CNTN4: variants seen among roughly 807,000 people sequenced by gnomAD.
The protein encoded by CNTN4 is contactin-4.
In CNTN4, 77 loss-of-function variants were observed where a neutral mutation model predicts 122.5. The ratio of observed to expected loss-of-function variants is 0.63; its 90% CI spans 0.52 to 0.76. The LOEUF is 0.76. Among genes scored for constraint, CNTN4 ranks in the 30% least tolerant of loss-of-function variants. The probability of loss-of-function intolerance (pLI) is 0.00; values close to 1 mark genes in which losing one functional copy is unlikely to be tolerated. For missense variants in CNTN4, 1,256 were observed against 1,259.1 expected, an observed-to-expected ratio of 1.00 and a Z score of 0.04; for synonymous variants, 512 against 447.0, an observed-to-expected ratio of 1.15 and a Z score of -1.83.
At chr3:2,493,275 C>A (rs1047900402) in intron 3 of CNTN4, among the ~76,000 whole-genome samples, 7 of 151,896 alleles carry the variant, frequency 4.6e-5, no homozygotes, top group South Asian at 2.1e-4. Context: ...ATGGGACTAC[C>A]CTAATACTCT....
At chr3:2,369,554 T>C (rs2045549335) in intron 3 of CNTN4, among the ~76,000 whole-genome samples, 1 of 152,168 alleles carries the variant, frequency 6.6e-6, no homozygotes, top group Admixed American at 6.5e-5. Context: ...CAAATGTTCC[T>C]AATTTTAGGG....
At chr3:2,443,007 A>C (rs1438532866) in intron 3 of CNTN4, among the ~76,000 whole-genome samples, 2 of 152,064 alleles carry the variant, frequency 1.3e-5, no homozygotes, top group African/African-American at 4.8e-5. Context: ...GGGTGTAAGG[A>C]GGGAGAGGAG....
At chr3:2,539,082 A>G (rs144961517) in intron 3 of CNTN4, among the ~76,000 whole-genome samples, 9 of 152,130 alleles carry the variant, frequency 5.9e-5, no homozygotes, top group African/African-American at 1.2e-4. Context: ...TATCCTAACC[A>G]TAAGAAGGAT....
At chr3:2,109,734 G>A (rs1387312498) in intron 2 of CNTN4, among the ~76,000 whole-genome samples, 1 of 152,166 alleles carries the variant, frequency 6.6e-6, no homozygotes, top group Non-Finnish European at 1.5e-5. Flanking sequence ...TCCATATTAT[G>A]ATGGGTCTTC....
chr3:2,353,679 C>G (rs1235637238), intron 3 of CNTN4, among the ~76,000 whole-genome samples: 1 of 152,140 alleles, frequency 6.6e-6, no homozygotes, highest in Non-Finnish European at 1.5e-5. Flanking sequence ...CAGCTTCATT[C>G]TTGAAGTCAG....
intron 4 of CNTN4, among the ~76,000 whole-genome samples, chr3:2,607,871 T>G (rs1335538408): frequency 6.6e-6 from 1 of 152,206 alleles, no homozygotes; most frequent in African/African-American, 2.4e-5. Flanking sequence ...ATAGAAATAT[T>G]TAATAATTTA....
Position 3,043,063 on chromosome 3 carries a change from C to T in CNTN4, c.2598C>T (p.Asn866=). 1 of 1,614,160 alleles carries T rather than the reference C, an allele frequency of 6.2e-7. No homozygotes were observed. Among genetic ancestry groups the T allele is most frequent in the Non-Finnish European group, 8.5e-7 (1 of 1,180,006 alleles). ...VGNQTSTKIT[N]LKGSVLYHLA... ...ATCAGACATCAACAAAAATCACGAA[C>T]TTAAAAGGCAGTGTGCTGTATCACT... The change falls in exon 22 of 25, where the codon AAC becomes AAT. Residue 866 remains asparagine, a synonymous_variant. Transcript: ENST00000418658.
At chr3:2,791,222 G>A (rs61098047) in intron 6 of CNTN4, among the ~76,000 whole-genome samples, 77 of 152,248 alleles carry the variant, frequency 5.1e-4, no homozygotes, top group Middle Eastern at 6.8e-3. Context: ...ATTTAGTTCA[G>A]AAATCACTTT....
chr3:2,762,459 G>T (rs1269529541), intron 6 of CNTN4, among the ~76,000 whole-genome samples: 5 of 152,136 alleles, frequency 3.3e-5, no homozygotes, highest in Admixed American at 6.5e-5. Context: ...GTAAGAACAT[G>T]CAGTGTTTGA....
At chr3:2,479,113 A>G (rs1320728677) in intron 3 of CNTN4, among the ~76,000 whole-genome samples, 2 of 152,150 alleles carry the variant, frequency 1.3e-5, no homozygotes, top group African/African-American at 2.4e-5. Context: ...ATGACTAGAA[A>G]GCATCAACCA....
chr3:2,292,034 C>A (rs868848357), intron 2 of CNTN4, among the ~76,000 whole-genome samples: 2 of 152,150 alleles, frequency 1.3e-5, no homozygotes, highest in Non-Finnish European at 2.9e-5. Flanking sequence ...CCGCGCCTGG[C>A]GAACTATAAT....
intron 6 of CNTN4, among the ~76,000 whole-genome samples, chr3:2,799,423 A>G (rs1304843111): frequency 6.6e-6 from 1 of 152,120 alleles, no homozygotes; most frequent in Non-Finnish European, 1.5e-5. Flanking sequence ...AATGTCCTCA[A>G]GAGTTTTTCC....
intron 3 of CNTN4, among the ~76,000 whole-genome samples, chr3:2,384,847 A>G (rs906888435): frequency 2.6e-5 from 4 of 151,716 alleles, no homozygotes; most frequent in African/African-American, 9.7e-5. Flanking sequence ...ATTTTTACCT[A>G]TCTTTTTTTA....
chr3:2,404,841 A>C (rs754577286), intron 3 of CNTN4, among the ~76,000 whole-genome samples: 3 of 152,084 alleles, frequency 2.0e-5, no homozygotes, highest in Non-Finnish European at 2.9e-5. Flanking sequence ...TACCCCCAAA[A>C]TCATGTTGTT....
At chr3:2,973,126 G>A (rs577874956) in intron 13 of CNTN4, among the ~76,000 whole-genome samples, 5 of 152,050 alleles carry the variant, frequency 3.3e-5, no homozygotes, top group Non-Finnish European at 7.4e-5. Flanking sequence ...AAGGCTCTTC[G>A]TTGAAATGAA....
chr3:2,809,250 C>T (rs1332660094), intron 6 of CNTN4, among the ~76,000 whole-genome samples: 4 of 152,184 alleles, frequency 2.6e-5, no homozygotes, highest in Admixed American at 1.3e-4. Flanking sequence ...CTTAAGCCCT[C>T]AGGTAATGCT....
At chr3:2,479,092 T>A (rs1264952287) in intron 3 of CNTN4, among the ~76,000 whole-genome samples, 1 of 152,208 alleles carries the variant, frequency 6.6e-6, no homozygotes. Context: ...TCTGTCACTT[T>A]GGCACAGTCT....
Position 2,709,322 on chromosome 3 carries a change from A to G in CNTN4, c.56-26893A>G, listed in dbSNP as rs1255822127. Reference sequence around the variant, plus strand: ...CAGTGTGATTCTCAACCTTGGCTGCATATTAGAATCATCTGGGGGTCCTTA... The same window carrying G: ...CAGTGTGATTCTCAACCTTGGCTGCGTATTAGAATCATCTGGGGGTCCTTA... On this transcript the variant is annotated intron_variant, in intron 4 of 24. Coordinates refer to ENST00000418658, the MANE Select transcript of CNTN4 (RefSeq NM_175607.3). The surrounding 1 kb of genome is among the most constrained non-coding windows in gnomAD (Gnocchi z 5.0). Among the ~76,000 whole-genome samples, 2 of 152,324 alleles carry G rather than the reference A, an allele frequency of 1.3e-5. No homozygotes were observed. Among genetic ancestry groups the G allele is most frequent in the South Asian group, 2.1e-4 (1 of 4,830 alleles).
At position 2,385,449 on chromosome 3, in the gene CNTN4, G is replaced by C. The variant is rs1322152404; in HGVS notation, c.-89+46216G>C. 6.6e-6 allele frequency among the ~76,000 whole-genome samples: 1 copy of C among 152,066 alleles called. No homozygotes were observed. The highest frequency in any genetic ancestry group is 1.5e-5 in the Non-Finnish European group (1 of 68,034). On this transcript the variant is annotated intron_variant, in intron 3 of 24. Coordinates refer to ENST00000418658, the MANE Select transcript of CNTN4 (RefSeq NM_175607.3). The surrounding 1 kb of genome is among the most constrained non-coding windows in gnomAD (Gnocchi z 4.0). ...GGTGTCTTGTTCATAGCAGATGCTTGTATTAGTTTCTTAGGACTGCCACAG... is the reference window on the plus strand; with the variant it reads ...GGTGTCTTGTTCATAGCAGATGCTTCTATTAGTTTCTTAGGACTGCCACAG...
Sources: allele counts gnomAD v4.1 joint callset (sites outside exome capture counted in the v4.1 genomes callset), GRCh38; gene constraint gnomAD v4.1.1; non-coding constraint Gnocchi (gnomAD v3.1); transcripts MANE v1.5; gene names NCBI Gene and HGNC (gene_info 2026-07-23, HGNC 2026-07-21).